RBMS3: variants seen among roughly 807,000 people sequenced by gnomAD.
RBMS3 encodes RNA-binding motif, single-stranded-interacting protein 3.
RBMS3 carries 27 observed loss-of-function variants against 66.8 expected under a neutral mutation model. The ratio of observed to expected loss-of-function variants is 0.40; its 90% CI spans 0.30 to 0.56. RBMS3 has a LOEUF of 0.56. RBMS3 is among the 20% of genes least tolerant of loss of function. RBMS3 has a pLI of 0.40. For missense variants in RBMS3, 513 were observed against 549.5 expected (o/e 0.93, Z 0.66); for synonymous variants, 188 against 183.0 (o/e 1.03, Z -0.22).
intron 3 of RBMS3, among the ~76,000 whole-genome samples, chr3:29,528,451 T>C (rs923772045): frequency 3.3e-5 from 5 of 152,146 alleles, no homozygotes; most frequent in Admixed American, 3.3e-4. Context: ...CTTTAAGTGC[T>C]ATATGTAGTA....
chr3:29,378,960 A>G (rs2038629052), intron 1 of RBMS3, among the ~76,000 whole-genome samples: 1 of 152,214 alleles, frequency 6.6e-6, no homozygotes, highest in Non-Finnish European at 1.5e-5. Context: ...CCTTTGAAAC[A>G]AGTCTGCTGA....
At chr3:29,993,701 A>G (rs184860320) in intron 14 of RBMS3, among the ~76,000 whole-genome samples, 1 of 152,298 alleles carries the variant, frequency 6.6e-6, no homozygotes, top group East Asian at 1.9e-4. Context: ...AACTTAAACA[A>G]AAATATTGGT....
chr3:29,985,620 T>C (rs557361101), intron 12 of RBMS3, among the ~76,000 whole-genome samples: 1 of 152,248 alleles, frequency 6.6e-6, no homozygotes, highest in East Asian at 1.9e-4. Context: ...CAACCCCTTG[T>C]GCTTCCCAGG....
At chr3:29,318,184 G>T (rs1174258807) in intron 1 of RBMS3, among the ~76,000 whole-genome samples, 1 of 151,772 alleles carries the variant, frequency 6.6e-6, no homozygotes, top group Non-Finnish European at 1.5e-5. Context: ...ATATTCTGGT[G>T]TCTTCACCGT....
intron 12 of RBMS3, among the ~76,000 whole-genome samples, chr3:29,987,686 CT>C (rs990728228): frequency 1.1e-4 from 16 of 152,190 alleles, no homozygotes; most frequent in African/African-American, 3.9e-4. Context: ...TACTTTGCTG[CT>C]TTTTTAAATT....
intron 12 of RBMS3, among the ~76,000 whole-genome samples, chr3:29,965,418 T>C (rs577089350): frequency 6.6e-6 from 1 of 152,160 alleles, no homozygotes; most frequent in East Asian, 1.9e-4. Context: ...ATTATGGCCA[T>C]TCTTGCAAGA....
chr3:29,517,605 G>A (rs1460977648), intron 3 of RBMS3, among the ~76,000 whole-genome samples: 1 of 145,092 alleles, frequency 6.9e-6, no homozygotes, highest in Non-Finnish European at 1.5e-5. Flanking sequence ...TTACAGGCGT[G>A]AGCCACCGCG....
intron 10 of RBMS3, among the ~76,000 whole-genome samples, chr3:29,900,331 TTAAC>T (rs2149608601): frequency 6.6e-6 from 1 of 151,938 alleles, no homozygotes; most frequent in African/African-American, 2.4e-5. Flanking sequence ...TTCATGTTAA[TTAAC>T]TATAGCAGTT....
intron 1 of RBMS3, among the ~76,000 whole-genome samples, chr3:29,422,872 T>C (rs1266102513): frequency 6.6e-6 from 1 of 152,226 alleles, no homozygotes; most frequent in African/African-American, 2.4e-5. Context: ...TTATGTTTTA[T>C]AGTTCAAATT....
chr3:29,700,794 T>A (rs1003488385), intron 4 of RBMS3, among the ~76,000 whole-genome samples: 70 of 151,844 alleles, frequency 4.6e-4, no homozygotes, highest in African/African-American at 1.5e-3. Flanking sequence ...TAGAGGAATT[T>A]AAAAAAAGAG....
At chr3:29,760,282 C>CA (rs3070731) in intron 5 of RBMS3, among the ~76,000 whole-genome samples, 4 of 149,068 alleles carry the variant, frequency 2.7e-5, no homozygotes, top group African/African-American at 1.0e-4. Context: ...CACACACACA[C>CA]CCCTACACAC....
chr3:29,930,109 C>CTTTCTTTTTTTT (rs71091082), intron 10 of RBMS3, among the ~76,000 whole-genome samples: 4 of 43,566 alleles, frequency 9.2e-5, no homozygotes, highest in East Asian at 1.6e-3. Flanking sequence ...TTCTTTCTTT[C>CTTTCTTTTTTTT]TTTTTTTTTT....
chr3:29,337,973 G>C (rs903040925), intron 1 of RBMS3, among the ~76,000 whole-genome samples: 4 of 152,128 alleles, frequency 2.6e-5, no homozygotes, highest in African/African-American at 9.7e-5. Flanking sequence ...GGCTAGAATG[G>C]TATAAATGGA....
At chr3:29,460,235 T>A (rs1262373333) in intron 2 of RBMS3, among the ~76,000 whole-genome samples, 2 of 151,588 alleles carry the variant, frequency 1.3e-5, no homozygotes, top group Non-Finnish European at 2.9e-5. Flanking sequence ...TAGTACAGAG[T>A]TTTTCAAAGT....
chr3:30,001,781 ATTTC>A (rs1699623219), intron 14 of RBMS3, among the ~76,000 whole-genome samples: 4 of 150,760 alleles, frequency 2.7e-5, no homozygotes, highest in African/African-American at 7.3e-5. Context: ...TTTTTATTTT[ATTTC>A]TTATTTTATT....
At chr3:29,985,325 G>A (rs944830517) in intron 12 of RBMS3, among the ~76,000 whole-genome samples, 1 of 152,098 alleles carries the variant, frequency 6.6e-6, no homozygotes, top group African/African-American at 2.4e-5. Flanking sequence ...GCTCCGTAGA[G>A]GTGGCACCCT....
At chr3:29,667,848 T>A (rs2050828779) in intron 4 of RBMS3, among the ~76,000 whole-genome samples, 1 of 152,178 alleles carries the variant, frequency 6.6e-6, no homozygotes, top group East Asian at 1.9e-4. Flanking sequence ...CCTGTCAGGA[T>A]GAAAAATCAT....
intron 10 of RBMS3, chr3:29,925,254 T>C (rs999059758): frequency 6.6e-6 from 1 of 152,214 alleles, no homozygotes; most frequent in Non-Finnish European, 1.5e-5. Context: ...GTATGTATAT[T>C]GAGCTAACCA....
At chr3:29,600,664 G>T (rs935938036) in intron 4 of RBMS3, among the ~76,000 whole-genome samples, 2 of 152,078 alleles carry the variant, frequency 1.3e-5, no homozygotes, top group African/African-American at 4.8e-5. Flanking sequence ...ACATAAAGTA[G>T]CCAAAAATAA....
Sources: allele counts gnomAD v4.1 joint callset (sites outside exome capture counted in the v4.1 genomes callset), GRCh38; gene constraint gnomAD v4.1.1; transcripts MANE v1.5; gene names NCBI Gene and HGNC (gene_info 2026-07-23, HGNC 2026-07-21).